Variants in FAT3 observed in about 807,000 individuals in gnomAD.
FAT3 encodes the protein FAT atypical cadherin 3.
In FAT3, 95 loss-of-function variants were observed where a neutral mutation model predicts 310.2. The observed-to-expected ratio is 0.31, with a 90% CI of 0.26 to 0.36. The LOEUF is 0.36. Ranked by LOEUF, FAT3 falls within the 10% of genes least tolerant of loss-of-function variation. FAT3 has a pLI of 1.00. For synonymous variants in FAT3, 2,314 were observed against 2,192.9 expected, an observed-to-expected ratio of 1.06 and a Z score of -1.54; for missense variants, 5,408 against 5,715.6, an observed-to-expected ratio of 0.95 and a Z score of 1.74.
chr11:92,528,272 C>T (rs1591405319), intron 3 of FAT3, among the ~76,000 whole-genome samples: 2 of 152,174 alleles, frequency 1.3e-5, no homozygotes, highest in South Asian at 2.1e-4. Context: ...TTTTTCTGGC[C>T]GGTACAGAGA....
At position 92,466,717 on chromosome 11, in the gene FAT3, T is replaced by A. The variant is rs1411852597; in HGVS notation, c.3293-57917T>A. Among the ~76,000 whole-genome samples the A allele has an allele frequency of 1.8e-4, 25 of 142,192 alleles. No homozygotes were observed. The South Asian group carries it at 2.2e-3, about 13-fold the overall frequency. 93.3% of individuals were successfully genotyped at this position (142,192 alleles called of 152,430 possible). ...ATTTAGCATTAGGTGTATCTCCTAA[T>A]GCTATCCCTCCCCCCTCCCCCCACC... On this transcript the variant is annotated intron_variant, in intron 2 of 27. Coordinates refer to ENST00000525166, the MANE Select transcript of FAT3 (RefSeq NM_001367949.2).
At chr11:92,461,676 T>C (rs183432782) in intron 2 of FAT3, among the ~76,000 whole-genome samples, 1 of 152,072 alleles carries the variant, frequency 6.6e-6, no homozygotes, top group Non-Finnish European at 1.5e-5. Flanking sequence ...GATTGGCTGG[T>C]GTCAGCAAGT....
chr11:92,401,139 A>G (rs1452810883), intron 2 of FAT3, among the ~76,000 whole-genome samples: 1 of 152,222 alleles, frequency 6.6e-6, no homozygotes, highest in Non-Finnish European at 1.5e-5. Context: ...AGAAACCACC[A>G]GATGCCATAA....
intron 3 of FAT3, among the ~76,000 whole-genome samples, chr11:92,555,025 G>A (rs1471418859): frequency 1.3e-5 from 2 of 151,378 alleles, no homozygotes; most frequent in African/African-American, 2.4e-5. Context: ...CAGAGCAATG[G>A]TTTTCAATCC....
At chr11:92,248,566 G>A (rs1357770690) in intron 1 of FAT3, among the ~76,000 whole-genome samples, 1 of 151,996 alleles carries the variant, frequency 6.6e-6, no homozygotes, top group Non-Finnish European at 1.5e-5. Context: ...CCACCCATCA[G>A]CACTTTGAGA....
At chr11:92,770,079 C>T (rs888550101) in intron 6 of FAT3, among the ~76,000 whole-genome samples, 1 of 152,190 alleles carries the variant, frequency 6.6e-6, no homozygotes, top group African/African-American at 2.4e-5. Flanking sequence ...ATTTCTATTA[C>T]AGCTGCTCCT....
chr11:92,859,327 T>A lies in FAT3; in HGVS notation c.11658+5T>A. ...AATCCCTGCATAATTCTGAAGGTAA[T>A]TAAAATGGGTTATCTTTTTCTGCAG... On this transcript the variant is annotated splice_donor_5th_base_variant and intron_variant, in intron 21 of 27. Coordinates refer to ENST00000525166, the MANE Select transcript of FAT3 (RefSeq NM_001367949.2). 2 of 1,577,716 alleles carry A rather than the reference T, an allele frequency of 1.3e-6. No individual in the cohort carries two copies. Among genetic ancestry groups the A allele is most frequent in the Non-Finnish European group, 1.7e-6 (2 of 1,156,766 alleles).
At chr11:92,363,403 A>G (rs1383265252) in intron 2 of FAT3, among the ~76,000 whole-genome samples, 1 of 152,208 alleles carries the variant, frequency 6.6e-6, no homozygotes, top group Non-Finnish European at 1.5e-5. Context: ...CTATAGTAGC[A>G]TATCTCTTGC....
chr11:92,684,747 C>T (rs1943580688), intron 3 of FAT3, among the ~76,000 whole-genome samples: 1 of 152,186 alleles, frequency 6.6e-6, no homozygotes, highest in Admixed American at 6.5e-5. Context: ...CCCACACCCC[C>T]ATACTAGCCC....
At chr11:92,524,972 C>T (rs948773514) in intron 3 of FAT3, 24 bp downstream of exon 3, 1 of 1,589,442 alleles carries the variant, frequency 6.3e-7, no homozygotes, top group Non-Finnish European at 8.6e-7. Context: ...TATATGACTT[C>T]TTTTTAGTTT....
chr11:92,390,892 T>G (rs2134811516), intron 2 of FAT3, among the ~76,000 whole-genome samples: 1 of 152,234 alleles, frequency 6.6e-6, no homozygotes, highest in South Asian at 2.1e-4. Context: ...TTCAATCTTG[T>G]GGTTCTGGAT....
chr11:92,353,828 C>G lies in FAT3; in HGVS notation c.1716C>G (p.Asn572Lys), dbSNP rs72970548. 8.7e-6 allele frequency: 14 copies of G among 1,613,582 alleles called. No individual in the cohort carries two copies. Among genetic ancestry groups the G allele is most frequent in the African/African-American group, 1.3e-5 (1 of 74,900 alleles). ...TGACTATTCGAATAGGAAATGTCAA[C>G]GACAACAGCCCTCTCTTTGAAAAAG... ...VNVTIRIGNV[N>K]DNSPLFEKVA... Residue 572 changes from asparagine (N) to lysine (K), a missense_variant, in exon 2 of 28, where the codon AAC becomes AAG. By Grantham distance (94) the Asn-to-Lys change is moderately conservative (BLOSUM62 0). Coordinates refer to ENST00000525166, the MANE Select transcript of FAT3 (RefSeq NM_001367949.2).
chr11:92,628,820 G>T (rs1323789588), intron 3 of FAT3, among the ~76,000 whole-genome samples: 1 of 152,196 alleles, frequency 6.6e-6, no homozygotes, highest in South Asian at 2.1e-4. Context: ...ATTATTTAAG[G>T]TGATGACTTG....
intron 4 of FAT3, among the ~76,000 whole-genome samples, chr11:92,744,368 T>G (rs1945592810): frequency 6.6e-6 from 1 of 152,190 alleles, no homozygotes; most frequent in African/African-American, 2.4e-5. Flanking sequence ...TGCAGAGAGA[T>G]TGTTATCAAG....
intron 1 of FAT3, among the ~76,000 whole-genome samples, chr11:92,229,707 CAAAT>C (rs1336909705): frequency 1.3e-5 from 2 of 150,732 alleles, no homozygotes; most frequent in African/African-American, 2.4e-5. Flanking sequence ...GTAATAGTGA[CAAAT>C]GACCCATTCT....
chr11:92,862,553 A>G (rs936016311), intron 21 of FAT3, among the ~76,000 whole-genome samples: 3 of 152,192 alleles, frequency 2.0e-5, no homozygotes, highest in Admixed American at 6.5e-5. Context: ...ATTCTCAGAC[A>G]TGGCTAGCTT....
At chr11:92,676,337 G>A (rs543661260) in intron 3 of FAT3, among the ~76,000 whole-genome samples, 1 of 152,292 alleles carries the variant, frequency 6.6e-6, no homozygotes, top group Admixed American at 6.5e-5. Context: ...AGCACATACA[G>A]TTGGTCTTAT....
At chr11:92,388,675 T>C (rs552092078) in intron 2 of FAT3, among the ~76,000 whole-genome samples, 1 of 152,306 alleles carries the variant, frequency 6.6e-6, no homozygotes, top group Non-Finnish European at 1.5e-5. Flanking sequence ...TGAAGAAGCT[T>C]ATTCATTTCC....
intron 12 of FAT3, among the ~76,000 whole-genome samples, chr11:92,809,596 G>A (rs1947609965): frequency 6.6e-6 from 1 of 152,040 alleles, no homozygotes; most frequent in Non-Finnish European, 1.5e-5. Flanking sequence ...TATACCAGCG[G>A]TTTCAAAAAG....
Sources: gnomAD v4.1 joint callset for allele counts (sites outside exome capture counted in the v4.1 genomes callset) on GRCh38, gnomAD v4.1.1 for gene constraint, MANE v1.5 for transcripts, NCBI Gene and HGNC (gene_info 2026-07-23, HGNC 2026-07-21) for gene names.